The following MAP3K13 variants were observed in gnomAD, a reference collection of about 807,000 sequenced individuals.
MAP3K13 encodes the protein mitogen-activated protein kinase kinase kinase 13.
MAP3K13 carries 52 observed loss-of-function variants against 104.0 expected under a neutral mutation model. The observed-to-expected ratio is 0.50, with a 90% CI of 0.40 to 0.63. The LOEUF (loss-of-function observed/expected upper bound fraction) is 0.63. Among genes scored for constraint, MAP3K13 ranks in the 20% least tolerant of loss-of-function variants. The pLI is 0.00. For missense variants in MAP3K13, 914 were observed against 1,218.5 expected, an observed-to-expected ratio of 0.75 and a Z score of 3.72; for synonymous variants, 394 against 442.2, an observed-to-expected ratio of 0.89 and a Z score of 1.37.
At chr3:185,466,626 C>A (rs1343825361) in intron 9 of MAP3K13, among the ~76,000 whole-genome samples, 200 bp from the exon 10 acceptor site, 2 of 152,140 alleles carry the variant, frequency 1.3e-5, no homozygotes, top group African/African-American at 4.8e-5. Flanking sequence ...ATCCACCCAC[C>A]TTGGCCTCCC....
At chr3:185,365,673 A>AC in intron 1 of MAP3K13, among the ~76,000 whole-genome samples, 1 of 152,300 alleles carries the variant, frequency 6.6e-6, no homozygotes, top group East Asian at 1.9e-4. Flanking sequence ...AAAAATAAAA[A>AC]TAAAAAAATC....
At chr3:185,472,774 A>G (rs1187827806) in intron 10 of MAP3K13, among the ~76,000 whole-genome samples, 1 of 152,126 alleles carries the variant, frequency 6.6e-6, no homozygotes, top group African/African-American at 2.4e-5. Flanking sequence ...CCATGCAAAA[A>G]ATTTTGAGAT....
At position 185,455,061 on chromosome 3, in the gene MAP3K13, G is replaced by GAT. The variant is rs796802105; in HGVS notation, c.1278+3673_1278+3674dup. Among the ~76,000 whole-genome samples the GAT allele has an allele frequency of 9.6e-4, 84 of 87,798 alleles. 7 individuals carry two copies. The highest frequency in any genetic ancestry group is 6.0e-3 in the East Asian group (17 of 2,856). The allele number at this position is 87,798 out of a possible 152,430, so 57.6% of individuals were successfully genotyped here. On this transcript the variant is annotated intron_variant, in intron 7 of 13. Transcript: ENST00000265026. ...TGATATATATATGAGATATATGTGAGATATATATGAGATATATGTGAGATA... is the reference window on the plus strand; with the variant it reads ...TGATATATATATGAGATATATGTGAGATATATATATGAGATATATGTGAGATA...
chr3:185,377,570 G>A (rs1444686872), intron 1 of MAP3K13, among the ~76,000 whole-genome samples: 1 of 152,196 alleles, frequency 6.6e-6, no homozygotes, highest in African/African-American at 2.4e-5. Flanking sequence ...ATAAAAGAAT[G>A]TTGTCCAAGT....
At chr3:185,291,207 A>G (rs1045135891) in intron 2 of MAP3K13, among the ~76,000 whole-genome samples, 3 of 152,196 alleles carry the variant, frequency 2.0e-5, no homozygotes, top group Non-Finnish European at 4.4e-5. Flanking sequence ...ATTTTATGCT[A>G]TCTCTTCCAA....
intron 3 of MAP3K13, among the ~76,000 whole-genome samples, chr3:185,438,301 GGAAAGAAAGAAGAAA>G (rs1715152516): frequency 1.1e-5 from 1 of 92,832 alleles, no homozygotes; most frequent in Non-Finnish European, 2.6e-5. Context: ...GAAAAAAAAA[GGAAAGAAAGAAGAAA>G]GAAAGAAAGA....
intron 2 of MAP3K13, among the ~76,000 whole-genome samples, chr3:185,353,259 A>G (rs895323493): frequency 6.6e-6 from 1 of 152,194 alleles, no homozygotes; most frequent in Non-Finnish European, 1.5e-5. Context: ...CAATTTGTGA[A>G]CTTGGCAGCC....
intron 1 of MAP3K13, among the ~76,000 whole-genome samples, chr3:185,399,405 C>G (rs1712623388): frequency 6.6e-6 from 1 of 151,620 alleles, no homozygotes. Flanking sequence ...GAGTTCCAGA[C>G]CAGCCTGGCC....
chr3:185,380,380 G>A (rs1724653117), intron 1 of MAP3K13, among the ~76,000 whole-genome samples: 2 of 149,914 alleles, frequency 1.3e-5, no homozygotes, highest in African/African-American at 4.9e-5. Flanking sequence ...GCATGGTGTT[G>A]CGTGCCTGCA....
chr3:185,463,464 GAA>G, intron 7 of MAP3K13, 84 bp from the exon 8 acceptor site: 1 of 741,548 alleles, frequency 1.3e-6, no homozygotes, highest in East Asian at 2.5e-5. Context: ...AGCATGCAGG[GAA>G]AAAAAATCTT....
intron 2 of MAP3K13, among the ~76,000 whole-genome samples, chr3:185,344,264 G>T (rs1350464258): frequency 6.6e-6 from 1 of 152,126 alleles, no homozygotes; most frequent in Non-Finnish European, 1.5e-5. Flanking sequence ...AAGTTTGGTG[G>T]TAAAGAAAAG....
intron 2 of MAP3K13, among the ~76,000 whole-genome samples, chr3:185,355,080 A>G (rs898605950): frequency 2.0e-5 from 3 of 152,236 alleles, no homozygotes; most frequent in Admixed American, 2.0e-4. Context: ...AAAGTGCAGT[A>G]TAAGATCGTT....
At chr3:185,329,257 TGTACCTA>T in intron 2 of MAP3K13, 1 of 703,170 alleles carries the variant, frequency 1.4e-6, no homozygotes, top group Non-Finnish European at 2.6e-6. Flanking sequence ...AAAGTGAGTA[TGTACCTA>T]GTGCCGAGAG....
upstream of MAP3K13, among the ~76,000 whole-genome samples, chr3:185,358,879 C>A (rs1723485728): frequency 6.6e-6 from 1 of 152,130 alleles, no homozygotes; most frequent in South Asian, 2.1e-4. Flanking sequence ...ATGAATAGAG[C>A]TCTTGATCAG....
chr3:185,476,393 A>G (rs1194973309), intron 11 of MAP3K13: 2 of 152,026 alleles, frequency 1.3e-5, no homozygotes, highest in Non-Finnish European at 2.9e-5. Context: ...CAGAATACAA[A>G]TGAGTAAGAT....
chr3:185,424,283 T>G (rs901551380), intron 1 of MAP3K13, among the ~76,000 whole-genome samples: 2 of 152,212 alleles, frequency 1.3e-5, no homozygotes, highest in Non-Finnish European at 2.9e-5. Flanking sequence ...ATCAAAAACT[T>G]AGATCAAATG....
chr3:185,366,730 A>G (rs1224658067), intron 1 of MAP3K13, among the ~76,000 whole-genome samples: 1 of 152,174 alleles, frequency 6.6e-6, no homozygotes, highest in Non-Finnish European at 1.5e-5. Context: ...CCATCTGTAT[A>G]TCTTCTTTGG....
In MAP3K13 at chr3:185,488,520, C is replaced by T. The variant is rs966714143; in HGVS notation, c.*6064C>T. 6.6e-6 allele frequency: 1 copy of T among 152,194 alleles called. No homozygotes were observed. The allele number at this position is 152,194 out of a possible 1,614,324, so 9.4% of individuals were successfully genotyped here. ...CTGAGAAACAGGAGGTGGGTTAAGGCTTTTGTTAACTGTCATGTGGCCAGG... is the reference window on the plus strand; with the variant it reads ...CTGAGAAACAGGAGGTGGGTTAAGGTTTTTGTTAACTGTCATGTGGCCAGG... On this transcript the variant is annotated 3_prime_UTR_variant, in exon 14 of 14. Transcript: ENST00000265026.
intron 2 of MAP3K13, among the ~76,000 whole-genome samples, chr3:185,320,189 T>C (rs1474956592): frequency 1.3e-5 from 2 of 151,848 alleles, no homozygotes; most frequent in East Asian, 3.9e-4. Context: ...CAAGCAATTC[T>C]CCTGCCTCAG....
Sources: allele counts gnomAD v4.1 joint callset (sites outside exome capture counted in the v4.1 genomes callset), GRCh38; gene constraint gnomAD v4.1.1; transcripts MANE v1.5; gene names NCBI Gene and HGNC (gene_info 2026-07-23, HGNC 2026-07-21).